Variants in HTR2C observed in about 807,000 individuals in gnomAD.
HTR2C encodes the protein 5-hydroxytryptamine receptor 2C.
Under a neutral mutation model 21.0 loss-of-function variants are expected in HTR2C, and 5 were observed. That is an observed-to-expected ratio of 0.24 (90% CI 0.12 to 0.50). HTR2C has a LOEUF of 0.50. Among genes scored for constraint, HTR2C ranks in the 20% least tolerant of loss-of-function variants. HTR2C has a pLI of 0.98. For synonymous variants in HTR2C, 150 were observed against 145.3 expected (o/e 1.03, Z -0.23); for missense variants, 271 against 371.2 (o/e 0.73, Z 2.22).
At chrX:114,776,456 T>C (rs1176658543) in intron 4 of HTR2C, 3 of 627,331 alleles carry the variant, frequency 4.8e-6, no homozygotes, top group Non-Finnish European at 8.2e-6. Flanking sequence ...CTCTCCCTTG[T>C]ATTCTACTTG....
intron 2 of HTR2C, among the ~76,000 whole-genome samples, chrX:114,721,853 C>T (rs1485749205): frequency 1.9e-5 from 2 of 107,345 alleles, no homozygotes; most frequent in Non-Finnish European, 3.9e-5. Flanking sequence ...TTTCTGAGGG[C>T]TCTGTTCTGT....
At position 114,587,219 on chromosome X, in the gene HTR2C, G is replaced by A. The variant is rs782191819; in HGVS notation, c.-147+2560G>A. ...TTGTTCAAGGCCTGAGATTGAAGGA[G>A]GTTGCAGTTTGCTGAGCCTGCTGAA... On this transcript the variant is annotated intron_variant, in intron 1 of 5. Transcript: ENST00000276198. Among the ~76,000 whole-genome samples the A allele has an allele frequency of 3.3e-4, 37 of 111,723 alleles. 1 individual carries two copies. Among genetic ancestry groups the A allele is most frequent in the Non-Finnish European group, 1.3e-4 (7 of 53,146 alleles).
At chrX:114,834,782 T>C (rs2070764731) in intron 4 of HTR2C, among the ~76,000 whole-genome samples, 1 of 108,523 alleles carries the variant, frequency 9.2e-6, no homozygotes, top group African/African-American at 3.4e-5. Flanking sequence ...CGTTAGTTGA[T>C]GCAGTTTCTT....
chrX:114,649,024 G>A (rs1241885482), intron 2 of HTR2C, among the ~76,000 whole-genome samples: 3 of 111,408 alleles, frequency 2.7e-5, no homozygotes, highest in Non-Finnish European at 5.7e-5. Flanking sequence ...CGCTACATAC[G>A]GATACTTTAA....
chrX:114,704,588 C>T (rs782227558), intron 2 of HTR2C, among the ~76,000 whole-genome samples: 11 of 111,472 alleles, frequency 9.9e-5, no homozygotes, highest in African/African-American at 3.3e-4. Flanking sequence ...ATGACAAACC[C>T]ACAGCCAATA....
intron 1 of HTR2C, among the ~76,000 whole-genome samples, chrX:114,611,855 G>A (rs898949721): frequency 6.3e-5 from 7 of 110,586 alleles, no homozygotes; most frequent in African/African-American, 1.6e-4. Flanking sequence ...CCGCCACCAC[G>A]CCCGGCTATT....
chrX:114,837,885 T>C (rs886118288), intron 4 of HTR2C, among the ~76,000 whole-genome samples: 2 of 111,684 alleles, frequency 1.8e-5, no homozygotes, highest in Non-Finnish European at 3.8e-5. Context: ...TTGCTATTTA[T>C]AATATTTGTT....
chrX:114,831,112 G>C (rs2070722331), intron 4 of HTR2C, among the ~76,000 whole-genome samples: 1 of 87,085 alleles, frequency 1.1e-5, no homozygotes, highest in Non-Finnish European at 2.3e-5. Context: ...GGACATTTGG[G>C]TTGGTTCCAA....
chrX:114,611,242 T>C (rs1161975082), intron 1 of HTR2C, among the ~76,000 whole-genome samples: 1 of 112,226 alleles, frequency 8.9e-6, no homozygotes, highest in East Asian at 2.8e-4. Context: ...TCTTAGCAGT[T>C]CTTGGTCCAC....
chrX:114,640,374 A>G (rs1930051124), intron 2 of HTR2C, among the ~76,000 whole-genome samples: 1 of 111,614 alleles, frequency 9.0e-6, no homozygotes, highest in East Asian at 2.8e-4. Flanking sequence ...GGCTTCTTAT[A>G]TGACACGGAA....
At chrX:114,606,385 C>G (rs1489895289) in intron 1 of HTR2C, among the ~76,000 whole-genome samples, 1 of 111,697 alleles carries the variant, frequency 9.0e-6, no homozygotes, top group Non-Finnish European at 1.9e-5. Flanking sequence ...GGCGTCCCTG[C>G]GTGGTCTGAC....
intron 2 of HTR2C, among the ~76,000 whole-genome samples, chrX:114,705,115 G>C (rs1339894652): frequency 9.6e-6 from 1 of 104,674 alleles, no homozygotes; most frequent in Non-Finnish European, 2.0e-5. Flanking sequence ...TCAATATCGT[G>C]AAAATGGCCA....
intron 4 of HTR2C, chrX:114,776,095 A>C: frequency 2.1e-6 from 1 of 474,452 alleles, no homozygotes; most frequent in Non-Finnish European, 3.7e-6. Context: ...AGTCTTCTTC[A>C]CCCAAGTGGA....
intron 4 of HTR2C, among the ~76,000 whole-genome samples, chrX:114,759,857 T>A (rs1265529353): frequency 2.7e-5 from 3 of 111,727 alleles, no homozygotes; most frequent in Non-Finnish European, 3.8e-5. Flanking sequence ...TACCACTTTA[T>A]TCCCACTCCA....
At chrX:114,586,934 G>T (rs1405698866) in intron 1 of HTR2C, among the ~76,000 whole-genome samples, 1 of 111,016 alleles carries the variant, frequency 9.0e-6, no homozygotes, top group East Asian at 2.8e-4. Flanking sequence ...TTAATTTAAG[G>T]CAAGAGAATA....
chrX:114,760,350 T>A (rs782456277), intron 4 of HTR2C, among the ~76,000 whole-genome samples: 1 of 111,433 alleles, frequency 9.0e-6, no homozygotes, highest in Non-Finnish European at 1.9e-5. Context: ...TGAAAGTAAT[T>A]TCTTTTTCAA....
intron 2 of HTR2C, among the ~76,000 whole-genome samples, chrX:114,721,554 G>T (rs1442507934): frequency 1.1e-4 from 11 of 102,361 alleles, no homozygotes; most frequent in South Asian, 4.9e-4. Flanking sequence ...GTCTTTTGTT[G>T]CCATTGCTTT....
chrX:114,654,886 T>G (rs1230544942), intron 2 of HTR2C, among the ~76,000 whole-genome samples: 1 of 110,350 alleles, frequency 9.1e-6, no homozygotes, highest in Non-Finnish European at 1.9e-5. Context: ...TACATGTCCT[T>G]CCCAAGGAGG....
intron 4 of HTR2C, among the ~76,000 whole-genome samples, chrX:114,806,982 T>TACACCAC (rs1556450369): frequency 2.0e-5 from 2 of 101,424 alleles, no homozygotes; most frequent in African/African-American, 7.1e-5. Flanking sequence ...ATACCATATA[T>TACACCAC]ATACCACATA....
Sources: allele counts gnomAD v4.1 joint callset (sites outside exome capture counted in the v4.1 genomes callset), GRCh38; gene constraint gnomAD v4.1.1; transcripts MANE v1.5; gene names NCBI Gene and HGNC (gene_info 2026-07-23, HGNC 2026-07-21).